The following PTPRG variants were observed in gnomAD, a reference collection of about 807,000 sequenced individuals.
PTPRG encodes the protein receptor-type tyrosine-protein phosphatase gamma.
Under a neutral mutation model 165.3 loss-of-function variants are expected in PTPRG, and 102 were observed. The ratio of observed to expected loss-of-function variants is 0.62; its 90% confidence interval spans 0.53 to 0.73. The LOEUF (loss-of-function observed/expected upper bound fraction) is 0.73, where lower values mean the gene tolerates loss of function less well. Ranked by LOEUF, PTPRG falls within the 30% of genes least tolerant of loss-of-function variation. PTPRG has a pLI of 0.00. For missense variants in PTPRG, 1,866 were observed against 1,861.4 expected (o/e 1.00, Z -0.05); for synonymous variants, 675 against 669.5 (o/e 1.01, Z -0.13).
At chr3:61,693,226 A>G (rs1052107521) in intron 1 of PTPRG, among the ~76,000 whole-genome samples, 3 of 152,204 alleles carry the variant, frequency 2.0e-5, no homozygotes, top group African/African-American at 7.2e-5. Context: ...GAAATTATGA[A>G]TTTAATACCC....
intron 2 of PTPRG, among the ~76,000 whole-genome samples, chr3:61,959,735 A>G (rs1316791497): frequency 2.6e-5 from 4 of 152,170 alleles, no homozygotes; most frequent in Non-Finnish European, 5.9e-5. Flanking sequence ...TCTTATGTTC[A>G]CAACACTTGT....
chr3:61,836,338 G>A (rs2036461513), intron 2 of PTPRG, among the ~76,000 whole-genome samples: 1 of 152,076 alleles, frequency 6.6e-6, no homozygotes, highest in African/African-American at 2.4e-5. Flanking sequence ...TGAGTGTGTA[G>A]TACATAGTAA....
intron 2 of PTPRG, among the ~76,000 whole-genome samples, chr3:61,869,745 A>AT (rs1022940440): frequency 2.5e-4 from 36 of 142,524 alleles, no homozygotes; most frequent in African/African-American, 8.9e-4. Context: ...TGCCTGGCTA[A>AT]TTTTTTGTTT....
intron 2 of PTPRG, among the ~76,000 whole-genome samples, chr3:61,833,856 C>T (rs1166389124): frequency 1.3e-5 from 2 of 152,172 alleles, no homozygotes; most frequent in African/African-American, 2.4e-5. Context: ...TGAGCCACCG[C>T]GCCCAGCCGT....
chr3:62,070,975 C>T (rs1052011894), intron 4 of PTPRG, among the ~76,000 whole-genome samples: 2 of 151,968 alleles, frequency 1.3e-5, no homozygotes, highest in Non-Finnish European at 2.9e-5. Context: ...ACATTTCCAC[C>T]TCCTCAGTTC....
chr3:61,586,959 C>G (rs188646211), intron 1 of PTPRG, among the ~76,000 whole-genome samples: 13 of 151,972 alleles, frequency 8.6e-5, no homozygotes, highest in African/African-American at 3.2e-4. Flanking sequence ...GTGTGACTCA[C>G]CTGGTGGATG....
intron 3 of PTPRG, among the ~76,000 whole-genome samples, chr3:61,995,784 T>C (rs974038079): frequency 3.4e-5 from 5 of 149,164 alleles, no homozygotes; most frequent in Admixed American, 2.0e-4. Context: ...TTTCTTTTTC[T>C]TTTTTTGATG....
intron 1 of PTPRG, among the ~76,000 whole-genome samples, chr3:61,701,569 C>A (rs1221354451): frequency 6.6e-6 from 1 of 152,094 alleles, no homozygotes; most frequent in East Asian, 1.9e-4. Flanking sequence ...AGTGCAGAAA[C>A]ATTTCTAACA....
chr3:62,209,885 T>G (rs765737708), intron 12 of PTPRG, among the ~76,000 whole-genome samples: 1 of 152,120 alleles, frequency 6.6e-6, no homozygotes, highest in Non-Finnish European at 1.5e-5. Flanking sequence ...AGTCAAGAAT[T>G]CAGGTTGCAG....
At chr3:62,063,128 C>G (rs1051170431) in intron 4 of PTPRG, among the ~76,000 whole-genome samples, 4 of 152,172 alleles carry the variant, frequency 2.6e-5, no homozygotes, top group Admixed American at 6.5e-5. Flanking sequence ...AAATGATTTA[C>G]CCCTGATCTT....
intron 2 of PTPRG, among the ~76,000 whole-genome samples, chr3:61,839,684 A>C (rs1164144524): frequency 6.6e-6 from 1 of 152,250 alleles, no homozygotes; most frequent in Non-Finnish European, 1.5e-5. Flanking sequence ...GAGCTAACAC[A>C]TGTTCCATAT....
rs979215914 is a variant in PTPRG, at chr3:61,867,364, C to T, written c.190+118382C>T. On this transcript the variant is annotated intron_variant, in intron 2 of 29. Transcript: ENST00000474889. Reference sequence around the variant, plus strand: ...CAAAAAGCCAAGGGAAGGAGGTACCCGCTGGGTAACTGGTTAGTGTAAGAG... The same window carrying T: ...CAAAAAGCCAAGGGAAGGAGGTACCTGCTGGGTAACTGGTTAGTGTAAGAG... Among the ~76,000 whole-genome samples the T allele has an allele frequency of 1.3e-4, 20 of 152,106 alleles. 1 individual carries two copies. The highest frequency in any genetic ancestry group is 1.0e-3 in the Admixed American group (16 of 15,266).
At chr3:61,806,636 G>A (rs1270140904) in intron 2 of PTPRG, among the ~76,000 whole-genome samples, 1 of 152,004 alleles carries the variant, frequency 6.6e-6, no homozygotes, top group African/African-American at 2.4e-5. Flanking sequence ...AGGGTAGTTA[G>A]CAAACCTGTG....
intron 8 of PTPRG, among the ~76,000 whole-genome samples, chr3:62,182,492 A>T (rs1705696151): frequency 6.6e-6 from 1 of 152,234 alleles, no homozygotes; most frequent in African/African-American, 2.4e-5. Context: ...AAGGACACTC[A>T]AAACCTCTGT....
chr3:61,607,903 T>C (rs528458174), intron 1 of PTPRG, among the ~76,000 whole-genome samples: 19 of 152,294 alleles, frequency 1.2e-4, no homozygotes, highest in South Asian at 8.3e-4. Context: ...GGGTTGGGCT[T>C]GGGGTGAGGA....
At chr3:61,858,869 T>C (rs1280709093) in intron 2 of PTPRG, among the ~76,000 whole-genome samples, 4 of 152,206 alleles carry the variant, frequency 2.6e-5, no homozygotes. Flanking sequence ...GAGACTAGTT[T>C]ATTACAAACT....
At chr3:61,801,448 C>T (rs2035238745) in intron 2 of PTPRG, among the ~76,000 whole-genome samples, 1 of 151,436 alleles carries the variant, frequency 6.6e-6, no homozygotes, top group South Asian at 2.1e-4. Context: ...GCTGGGACTA[C>T]ATAAATATAA....
At chr3:61,777,952 T>G (rs940411127) in intron 2 of PTPRG, among the ~76,000 whole-genome samples, 3 of 152,198 alleles carry the variant, frequency 2.0e-5, no homozygotes, top group African/African-American at 7.2e-5. Flanking sequence ...CCAAGTGTAT[T>G]TAGCTTATAG....
chr3:62,231,584 G>T (rs1435407936), intron 14 of PTPRG, among the ~76,000 whole-genome samples: 3 of 151,816 alleles, frequency 2.0e-5, no homozygotes, highest in Non-Finnish European at 4.4e-5. Flanking sequence ...ATGTACTGGG[G>T]GTGCTCTATG....
Sources: gnomAD v4.1 joint callset for allele counts (sites outside exome capture counted in the v4.1 genomes callset) on GRCh38, gnomAD v4.1.1 for gene constraint, MANE v1.5 for transcripts, NCBI Gene and HGNC (gene_info 2026-07-23, HGNC 2026-07-21) for gene names.